The following TDRP variants were observed in gnomAD, a reference collection of about 807,000 sequenced individuals.
TDRP encodes testis development-related protein.
Under a neutral mutation model 10.5 loss-of-function variants are expected in TDRP, and 12 were observed. The ratio of observed to expected loss-of-function variants is 1.15; its 90% CI spans 0.73 to 1.86. The LOEUF is 1.86. TDRP is among the 40% of genes most tolerant of loss of function. TDRP has a pLI of 0.00. For missense variants in TDRP, 353 were observed against 229.2 expected (o/e 1.54, Z -3.49); for synonymous variants, 139 against 95.4 (o/e 1.46, Z -2.67).
At chr8:515,266 G>C (rs921143740) in intron 1 of TDRP, among the ~76,000 whole-genome samples, 1 of 152,042 alleles carries the variant, frequency 6.6e-6, no homozygotes. Flanking sequence ...TGCTCACTTA[G>C]CAATCATTCA....
In TDRP at chr8:490,659, C is replaced by G. The variant is rs555888335; in HGVS notation, c.*1740G>C. Reference sequence around the variant, plus strand: ...TTTTACTATCCCAGCAAGCACTTCTCTAGGGAAAAGGACAGTTATGACTAT... The same window carrying G: ...TTTTACTATCCCAGCAAGCACTTCTGTAGGGAAAAGGACAGTTATGACTAT... On this transcript the variant is annotated 3_prime_UTR_variant, in exon 3 of 3. Transcript: ENST00000324079. 1 of 152,214 alleles carries G rather than the reference C, an allele frequency of 6.6e-6. No homozygotes were observed. The highest frequency in any genetic ancestry group is 2.1e-4 in the South Asian group (1 of 4,818). The allele number at this position is 152,214 out of a possible 1,614,324, so 9.4% of individuals were successfully genotyped here.
chr8:520,983 T>C (rs2116820549), intron 1 of TDRP, among the ~76,000 whole-genome samples: 1 of 152,290 alleles, frequency 6.6e-6, no homozygotes, highest in Admixed American at 6.5e-5. Context: ...TGTTTTGGTG[T>C]CATATCCAAG....
chr8:500,302 G>A (rs562896164), intron 1 of TDRP, among the ~76,000 whole-genome samples: 3 of 152,148 alleles, frequency 2.0e-5, no homozygotes, highest in South Asian at 2.1e-4. Context: ...TAGGTTAAAC[G>A]GCAGTGTCTT....
chr8:518,088 G>C (rs971446414), intron 1 of TDRP, among the ~76,000 whole-genome samples: 1 of 152,150 alleles, frequency 6.6e-6, no homozygotes, highest in African/African-American at 2.4e-5. Flanking sequence ...ACAACACCCA[G>C]CGTAAACACT....
At chr8:510,005 G>A (rs139870652) in intron 1 of TDRP, among the ~76,000 whole-genome samples, 1 of 152,152 alleles carries the variant, frequency 6.6e-6, no homozygotes, top group East Asian at 1.9e-4. Flanking sequence ...GGGTGACAGA[G>A]CAACCGAATT....
Position 507,064 on chromosome 8 carries a change from G to A in TDRP, c.109-12467C>T, listed in dbSNP as rs546130432. Among the ~76,000 whole-genome samples the A allele has an allele frequency of 5.9e-5, 9 of 152,310 alleles. No individual in the cohort carries two copies. The East Asian group carries it at 1.5e-3, about 26-fold the overall frequency. ...GGGAAACTTACAATCATGGCGGAAG[G>A]CAAAGGGGAGGCAGGCACCTTCTTC... On this transcript the variant is annotated intron_variant, in intron 1 of 2. Transcript: ENST00000324079.
At position 492,218 on chromosome 8, in the gene TDRP, G is replaced by A. The variant is rs566839792; in HGVS notation, c.*181C>T. On this transcript the variant is annotated 3_prime_UTR_variant, in exon 3 of 3. Coordinates refer to ENST00000324079, the MANE Select transcript of TDRP (RefSeq NM_001384899.1). Reference sequence around the variant, plus strand: ...GCAATCAAATGTACAATCCCTGCACGTGTTCACCAAGGAGTCACAGTGTGT... The same window carrying A: ...GCAATCAAATGTACAATCCCTGCACATGTTCACCAAGGAGTCACAGTGTGT... 8.4e-5 allele frequency: 108 copies of A among 1,281,620 alleles called. No homozygotes were observed. Among genetic ancestry groups the A allele is most frequent in the Non-Finnish European group, 9.9e-5 (101 of 1,017,962 alleles). The allele number at this position is 1,281,620 out of a possible 1,614,324, so 79.4% of individuals were successfully genotyped here.
chr8:514,679 C>T (rs1299109220), intron 1 of TDRP, among the ~76,000 whole-genome samples: 1 of 152,196 alleles, frequency 6.6e-6, no homozygotes, highest in Non-Finnish European at 1.5e-5. Flanking sequence ...TCTCCACTAC[C>T]AGTCACCTCA....
At chr8:516,112 T>C (rs112346784) in intron 1 of TDRP, among the ~76,000 whole-genome samples, 3 of 152,128 alleles carry the variant, frequency 2.0e-5, no homozygotes, top group African/African-American at 7.2e-5. Context: ...AAAAAATATA[T>C]AATTTATCCT....
chr8:499,967 C>G (rs1044381329), intron 1 of TDRP, among the ~76,000 whole-genome samples: 1 of 152,136 alleles, frequency 6.6e-6, no homozygotes, highest in Non-Finnish European at 1.5e-5. Context: ...GTAGAGTGTT[C>G]TATGGGAAGG....
intron 1 of TDRP, among the ~76,000 whole-genome samples, chr8:531,357 T>C (rs1802191376): frequency 2.0e-5 from 3 of 152,124 alleles, no homozygotes; most frequent in Non-Finnish European, 2.9e-5. Flanking sequence ...ACATCAGACA[T>C]TTTATGTGGA....
chr8:526,409 G>A (rs575617335), intron 1 of TDRP, among the ~76,000 whole-genome samples: 17 of 152,148 alleles, frequency 1.1e-4, no homozygotes, highest in South Asian at 8.3e-4. Context: ...TTTTTTGAGC[G>A]TTCTTATTAT....
chr8:510,588 C>A (rs1442266020), intron 1 of TDRP, among the ~76,000 whole-genome samples: 1 of 152,174 alleles, frequency 6.6e-6, no homozygotes, highest in Non-Finnish European at 1.5e-5. Context: ...ACAATCAGAG[C>A]ACTCAATGAA....
chr8:531,502 G>A (rs1482588250), intron 1 of TDRP, among the ~76,000 whole-genome samples: 2 of 152,166 alleles, frequency 1.3e-5, no homozygotes, highest in East Asian at 1.9e-4. Flanking sequence ...GAAGGAAACT[G>A]AATTGTAGGA....
intron 1 of TDRP, among the ~76,000 whole-genome samples, chr8:501,156 A>G (rs1292241923): frequency 6.6e-6 from 1 of 151,640 alleles, no homozygotes; most frequent in Non-Finnish European, 1.5e-5. Flanking sequence ...CAGTGAGCTG[A>G]GATCGCGCCA....
intron 1 of TDRP, among the ~76,000 whole-genome samples, chr8:508,687 A>T (rs933277392): frequency 6.6e-6 from 1 of 152,006 alleles, no homozygotes; most frequent in East Asian, 1.9e-4. Context: ...ACACAGCCAA[A>T]CCGTATCATT....
rs951998109 is a variant in TDRP at position 528,953 on chromosome 8, G to A, written c.108+15697C>T. On this transcript the variant is annotated intron_variant, in intron 1 of 2. Transcript: ENST00000324079. ...AGCTGAGGAGCAAGGAAGCCAGTCC[G>A]AGTCCCAAAACTGAAGAACTTGGGA... Among the ~76,000 whole-genome samples, 10 of 152,146 alleles carry A rather than the reference G, an allele frequency of 6.6e-5. No homozygotes were observed. In the South Asian group the frequency reaches 1.7e-3, roughly 25 times the overall value.
intron 1 of TDRP, among the ~76,000 whole-genome samples, chr8:500,699 C>T (rs562805449): frequency 2.0e-5 from 3 of 152,296 alleles, no homozygotes; most frequent in Non-Finnish European, 4.4e-5. Flanking sequence ...GAAATTTCTC[C>T]TTTTGCCACA....
Position 544,453 on chromosome 8 carries a change from G to C in TDRP, c.108+197C>G, listed in dbSNP as rs548524484. ...CCACAGCGGCAACTCAGCCCAGGAC[G>C]AGCCTCGGGTCAAGTTCTCCGACTC... is the stretch of plus-strand genomic sequence containing the variant. On this transcript the variant is annotated intron_variant, in intron 1 of 2. Transcript: ENST00000324079. Among the ~76,000 whole-genome samples, 99 of 152,196 alleles carry C rather than the reference G, an allele frequency of 6.5e-4. 1 individual carries two copies. In the South Asian group the frequency reaches 9.8e-3, roughly 15 times the overall value.
Sources: allele counts gnomAD v4.1 joint callset (sites outside exome capture counted in the v4.1 genomes callset), GRCh38; gene constraint gnomAD v4.1.1; transcripts MANE v1.5; gene names NCBI Gene and HGNC (gene_info 2026-07-23, HGNC 2026-07-21).